C6: variants seen among roughly 807,000 people sequenced by gnomAD.
C6 encodes the protein complement component C6.
Under a neutral mutation model 112.9 loss-of-function variants are expected in C6, and 101 were observed. The observed-to-expected ratio is 0.89, with a 90% CI of 0.76 to 1.06. The LOEUF is 1.06. Ranked by LOEUF, C6 falls within the 50% of genes least tolerant of loss-of-function variation. The pLI is 0.00. For synonymous variants in C6, 431 were observed against 384.1 expected (o/e 1.12, Z -1.43); for missense variants, 1,202 against 1,104.6 (o/e 1.09, Z -1.25).
chr5:41,260,053 T>C (rs1212910669), intron 1 of C6, among the ~76,000 whole-genome samples: 1 of 152,232 alleles, frequency 6.6e-6, no homozygotes, highest in Non-Finnish European at 1.5e-5. Context: ...TATCTACTTA[T>C]TATCCAGTTA....
At chr5:41,174,355 G>A (rs2150306961) in intron 8 of C6, among the ~76,000 whole-genome samples, 1 of 152,252 alleles carries the variant, frequency 6.6e-6, no homozygotes, top group Middle Eastern at 3.4e-3. Context: ...ACAGGAATGA[G>A]TATTTCAGTA....
chr5:41,172,196 G>C (rs1177972051), intron 9 of C6, 29 bp downstream of exon 9: 1 of 1,612,528 alleles, frequency 6.2e-7, no homozygotes, highest in Non-Finnish European at 8.5e-7. Flanking sequence ...GGGCACACTG[G>C]ATAAGCTGCT....
In C6 at chr5:41,161,875, A is replaced by G. The variant is rs1373984982; in HGVS notation, c.1292-16T>C. On this transcript the variant is annotated splice_polypyrimidine_tract_variant and intron_variant, in intron 9 of 17. Coordinates refer to ENST00000337836, the MANE Select transcript of C6 (RefSeq NM_000065.5). ...ATAAATGAACCTGCAAGGTGTTTCA[A>G]TAAAAATGCCCATTTAATTTTAGTG... 2 of 1,612,714 alleles carry G rather than the reference A, an allele frequency of 1.2e-6. No homozygotes were observed. The highest frequency in any genetic ancestry group is 1.3e-5 in the African/African-American group (1 of 75,008).
In C6 at chr5:41,175,587, C is replaced by T. The variant is rs901718024; in HGVS notation, c.1168+888G>A. Among the ~76,000 whole-genome samples, 155 of 152,278 alleles carry T rather than the reference C, an allele frequency of 1.0e-3. 1 individual carries two copies. Among genetic ancestry groups the T allele is most frequent in the African/African-American group, 3.5e-3 (147 of 41,552 alleles). ...TAACTAATAGTTGATTAAAGATTCACCCAGTTCTCAACTGACCTGATCCCT... is the reference window on the plus strand; with the variant it reads ...TAACTAATAGTTGATTAAAGATTCATCCAGTTCTCAACTGACCTGATCCCT... On this transcript the variant is annotated intron_variant, in intron 8 of 17. Transcript: ENST00000337836.
At chr5:41,163,588 G>A (rs1289412036) in intron 9 of C6, among the ~76,000 whole-genome samples, 2 of 152,178 alleles carry the variant, frequency 1.3e-5, no homozygotes, top group Non-Finnish European at 2.9e-5. Flanking sequence ...TGGGATTACA[G>A]GTGTGAGCCA....
chr5:41,233,247 T>C (rs1322963190), intron 1 of C6, among the ~76,000 whole-genome samples: 1 of 152,128 alleles, frequency 6.6e-6, no homozygotes. Flanking sequence ...TAACTACTCA[T>C]TCTGGTCATT....
At chr5:41,176,401 A>T in intron 8 of C6, 74 bp downstream of exon 8, 2 of 1,451,344 alleles carry the variant, frequency 1.4e-6, no homozygotes, top group East Asian at 4.6e-5. Flanking sequence ...GAATAATTAA[A>T]ATGATAGAGT....
intron 5 of C6, 97 bp downstream of exon 5, chr5:41,195,695 T>G: frequency 7.7e-7 from 1 of 1,296,206 alleles, no homozygotes; most frequent in South Asian, 1.2e-5. Context: ...AGTAAGAAGT[T>G]AATGAGGAAG....
At chr5:41,233,380 C>T (rs1479499536) in intron 1 of C6, among the ~76,000 whole-genome samples, 1 of 151,956 alleles carries the variant, frequency 6.6e-6, no homozygotes, top group Non-Finnish European at 1.5e-5. Context: ...GGATATTCTA[C>T]AAAAAGTGTA....
intron 1 of C6, among the ~76,000 whole-genome samples, chr5:41,227,246 G>A (rs183901828): frequency 3.9e-5 from 6 of 151,944 alleles, no homozygotes; most frequent in Admixed American, 3.9e-4. Context: ...TTGGTCATTT[G>A]TATGTCTTCT....
chr5:41,151,731 G>A (rs894472285), intron 15 of C6, among the ~76,000 whole-genome samples: 1 of 152,044 alleles, frequency 6.6e-6, no homozygotes, highest in Non-Finnish European at 1.5e-5. Flanking sequence ...GCACTGGCAG[G>A]AGCCTACCAA....
chr5:41,194,844 C>G (rs532188209), intron 5 of C6, among the ~76,000 whole-genome samples: 1 of 152,218 alleles, frequency 6.6e-6, no homozygotes, highest in Non-Finnish European at 1.5e-5. Flanking sequence ...GGTAAAACCC[C>G]CAGTGTGCTC....
At chr5:41,222,032 G>A (rs996077231) in intron 1 of C6, among the ~76,000 whole-genome samples, 4 of 151,870 alleles carry the variant, frequency 2.6e-5, no homozygotes, top group Middle Eastern at 3.2e-3. Flanking sequence ...TGGGCATGGT[G>A]GCGGGCACCT....
intron 1 of C6, among the ~76,000 whole-genome samples, chr5:41,252,226 C>A (rs544055438): frequency 1.4e-4 from 21 of 152,310 alleles, no homozygotes; most frequent in Middle Eastern, 3.4e-3. Flanking sequence ...AATATGTTAA[C>A]CTCATTTGGC....
intron 7 of C6, among the ~76,000 whole-genome samples, chr5:41,180,722 T>C (rs1222534314): frequency 2.0e-5 from 3 of 152,018 alleles, no homozygotes; most frequent in Non-Finnish European, 4.4e-5. Flanking sequence ...GAGAAGAAGA[T>C]TATGATACAG....
At chr5:41,148,434 G>C (rs1437357697) in intron 17 of C6, among the ~76,000 whole-genome samples, 1 of 152,110 alleles carries the variant, frequency 6.6e-6, no homozygotes, top group Admixed American at 6.6e-5. Context: ...AGACCCAGGG[G>C]CCAATTTTTT....
At position 41,227,625 on chromosome 5, in the gene C6, A is replaced by T. The variant is rs78525668; in HGVS notation, c.-20-24375T>A. 1.6e-3 allele frequency among the ~76,000 whole-genome samples: 239 copies of T among 152,210 alleles called. 14 individuals carry two copies. The East Asian group carries it at 0.044, about 28-fold the overall frequency. On this transcript the variant is annotated intron_variant, in intron 1 of 17. Transcript: ENST00000263413. ...TAGTTTCAAATCTTATGTGTCTTTG[A>T]TAACTTTTCAGTTGATTTTTGTATA... is the stretch of plus-strand genomic sequence containing the variant.
intron 13 of C6, among the ~76,000 whole-genome samples, chr5:41,157,713 C>T (rs1747052304): frequency 6.6e-6 from 1 of 152,178 alleles, no homozygotes; most frequent in African/African-American, 2.4e-5. Flanking sequence ...TTTCTGTGCC[C>T]TTCCCAAAAC....
At chr5:41,196,916 T>C (rs1431568968) in intron 4 of C6, among the ~76,000 whole-genome samples, 1 of 152,038 alleles carries the variant, frequency 6.6e-6, no homozygotes, top group African/African-American at 2.4e-5. Context: ...ATGACAGATA[T>C]CTCCTCTCCT....
Sources: gnomAD v4.1 joint callset for allele counts (sites outside exome capture counted in the v4.1 genomes callset) on GRCh38, gnomAD v4.1.1 for gene constraint, MANE v1.5 for transcripts, NCBI Gene and HGNC (gene_info 2026-07-23, HGNC 2026-07-21) for gene names.